TUBA1C: variants seen among roughly 807,000 people sequenced by gnomAD.
TUBA1C encodes the protein tubulin alpha 1c.
TUBA1C carries 16 observed loss-of-function variants against 34.9 expected under a neutral mutation model. That is an observed-to-expected ratio of 0.46 (90% CI 0.31 to 0.70). The LOEUF (loss-of-function observed/expected upper bound fraction) is 0.70. Among genes scored for constraint, TUBA1C ranks in the 30% least tolerant of loss-of-function variants. The pLI is 0.05. For synonymous variants in TUBA1C, 177 were observed against 215.9 expected (o/e 0.82, Z 1.58); for missense variants, 329 against 587.3 (o/e 0.56, Z 4.55).
chr12:49,264,071 T>G (rs1393638221), upstream of TUBA1C, among the ~76,000 whole-genome samples: 1 of 151,908 alleles, frequency 6.6e-6, no homozygotes, highest in Non-Finnish European at 1.5e-5. Context: ...ATACAAAAAT[T>G]TAGCCAGGTG....
At chr12:49,270,829 A>T (rs1942981225) in intron 3 of TUBA1C, among the ~76,000 whole-genome samples, 1 of 152,146 alleles carries the variant, frequency 6.6e-6, no homozygotes, top group African/African-American at 2.4e-5. Context: ...ATACAAAAAA[A>T]TTAGCCGGGC....
chr12:49,254,957 AT>A (rs1942768685), intron 1 of TUBA1C, among the ~76,000 whole-genome samples: 1 of 150,814 alleles, frequency 6.6e-6, no homozygotes, highest in East Asian at 1.9e-4. Context: ...TTTTTTTTTT[AT>A]TTTTTAAGTA....
intron 1 of TUBA1C, among the ~76,000 whole-genome samples, chr12:49,248,004 C>T (rs1193981412): frequency 1.4e-5 from 2 of 143,642 alleles, no homozygotes; most frequent in Non-Finnish European, 3.0e-5. Context: ...GAGCCAGGTG[C>T]GGTGGCTCAC....
chr12:49,257,337 G>GTCTA (rs1335905767), intron 1 of TUBA1C, among the ~76,000 whole-genome samples: 1 of 151,998 alleles, frequency 6.6e-6, no homozygotes, highest in East Asian at 1.9e-4. Flanking sequence ...TAACAATAGT[G>GTCTA]TCTACCTCAT....
chr12:49,240,962 C>T (rs1399053871), intron 1 of TUBA1C, among the ~76,000 whole-genome samples: 2 of 151,966 alleles, frequency 1.3e-5, no homozygotes, highest in South Asian at 2.1e-4. Flanking sequence ...AGGGCAGTGG[C>T]GAGATCTCAG....
intron 1 of TUBA1C, among the ~76,000 whole-genome samples, chr12:49,258,917 T>C (rs542776992): frequency 6.6e-6 from 1 of 151,582 alleles, no homozygotes; most frequent in South Asian, 2.1e-4. Context: ...CCACCACGCC[T>C]GGCTAACTTT....
chr12:49,273,295 T>A lies in TUBA1C; in HGVS notation c.*68T>A. 1 of 1,612,224 alleles carries A rather than the reference T, an allele frequency of 6.2e-7. No homozygotes were observed. Among genetic ancestry groups the A allele is most frequent in the Non-Finnish European group, 8.5e-7 (1 of 1,178,588 alleles). On this transcript the variant is annotated 3_prime_UTR_variant, in exon 4 of 4. Transcript: ENST00000301072. ...TTATTTTTGTTCTGTAAATGTCTAT[T>A]GCCGTAAATTGTTAATAAAATTGAA... is the stretch of plus-strand genomic sequence containing the variant.
chr12:49,261,594 T>C (rs1942841139), upstream of TUBA1C, among the ~76,000 whole-genome samples: 1 of 152,228 alleles, frequency 6.6e-6, no homozygotes, highest in East Asian at 1.9e-4. Context: ...ACTATTGCAG[T>C]AGAAAACATT....
chr12:49,265,499 A>G, intron 1 of TUBA1C, among the ~76,000 whole-genome samples: 1 of 152,216 alleles, frequency 6.6e-6, no homozygotes, highest in African/African-American at 2.4e-5. Context: ...ATTGGCCTCC[A>G]AGAACTTAAA....
At position 49,273,438 on chromosome 12, in the gene TUBA1C, T is replaced by C; in HGVS notation, c.*211T>C. ...TCTTGCTCTGTCACCCAGGCTGGAGTGCAGTGGCATGATAATACATAGCTC... is the reference window on the plus strand; with the variant it reads ...TCTTGCTCTGTCACCCAGGCTGGAGCGCAGTGGCATGATAATACATAGCTC... On this transcript the variant is annotated 3_prime_UTR_variant, in exon 4 of 4. Coordinates refer to ENST00000301072, the MANE Select transcript of TUBA1C (RefSeq NM_032704.5). The C allele has an allele frequency of 1.3e-6, 1 of 794,782 alleles. No individual in the cohort carries two copies. The highest frequency in any genetic ancestry group is 2.0e-6 in the Non-Finnish European group (1 of 505,104). 49.2% of individuals were successfully genotyped at this position (794,782 alleles called of 1,614,324 possible).
chr12:49,260,217 G>A (rs1244261616), upstream of TUBA1C, among the ~76,000 whole-genome samples: 2 of 152,168 alleles, frequency 1.3e-5, no homozygotes. Flanking sequence ...CAAGGGAATG[G>A]TAGTTAATTC....
intron 1 of TUBA1C, among the ~76,000 whole-genome samples, chr12:49,250,604 A>T (rs1266049247): frequency 1.3e-5 from 2 of 151,842 alleles, no homozygotes; most frequent in Non-Finnish European, 2.9e-5. Context: ...GCCCTACAAA[A>T]ATTAAAATTA....
upstream of TUBA1C, chr12:49,264,961 G>C (rs972489062): frequency 1.3e-5 from 7 of 534,890 alleles, no homozygotes; most frequent in African/African-American, 9.9e-5. Flanking sequence ...GGGTGCGGCC[G>C]GGCGCAGGCC....
In TUBA1C at chr12:49,269,507, A is replaced by G. The variant is rs1942959612; in HGVS notation, c.46A>G (p.Ile16Val). Residue 16 changes from isoleucine (I) to valine (V), a missense_variant, in exon 2 of 4, where the codon ATT becomes GTT. Ile to Val is a conservative substitution (Grantham distance 29). Coordinates refer to ENST00000301072, the MANE Select transcript of TUBA1C (RefSeq NM_032704.5). ...SIHVGQAGVQ[I>V]GNACWELYCL... ...CCACGTTGGCCAGGCTGGTGTCCAG[A>G]TTGGCAATGCCTGCTGGGAGCTCTA... is the stretch of plus-strand genomic sequence containing the variant. 3.7e-6 allele frequency: 6 copies of G among 1,614,014 alleles called. No homozygotes were observed. In the Admixed American group the frequency reaches 5.0e-5, roughly 13 times the overall value.
rs1305534283 is a variant in TUBA1C at position 49,256,432 on chromosome 12, AT to A, written c.214-13032del. On this transcript the variant is annotated intron_variant, in intron 1 of 3. Coordinates refer to the TUBA1C transcript ENST00000541364. ...CAGCTCTGTCCCTTGGGTTCCGTAC[AT>A]ATAAATGGAGCAGCTGAGGGAACTG... 4 of 455,774 alleles carry A rather than the reference AT, an allele frequency of 8.8e-6. No individual in the cohort carries two copies. The Admixed American group carries it at 9.4e-5, about 11-fold the overall frequency. The allele number at this position is 455,774 out of a possible 1,614,324, so 28.2% of individuals were successfully genotyped here.
At chr12:49,244,160 A>G (rs1281293649) in intron 1 of TUBA1C, among the ~76,000 whole-genome samples, 5 of 151,920 alleles carry the variant, frequency 3.3e-5, no homozygotes, top group Admixed American at 1.3e-4. Flanking sequence ...AAAAAAAAAA[A>G]AAAAAGAAAA....
chr12:49,248,500 G>A (rs1212267841), intron 1 of TUBA1C, among the ~76,000 whole-genome samples: 2 of 151,354 alleles, frequency 1.3e-5, no homozygotes, highest in Non-Finnish European at 2.9e-5. Context: ...CCTGGGAGGC[G>A]GAGATTACAG....
intron 3 of TUBA1C, among the ~76,000 whole-genome samples, chr12:49,271,069 A>G (rs1476341726): frequency 6.6e-6 from 1 of 152,196 alleles, no homozygotes; most frequent in Non-Finnish European, 1.5e-5. Context: ...AAATAAACCT[A>G]GTAGCTATTT....
rs1375403551 is a variant in TUBA1C, at chr12:49,272,485, T to C, written c.608T>C (p.Met203Thr). Residue 203 changes from methionine to threonine, a missense_variant, in exon 4 of 4, where the codon ATG becomes ACG. This residue lies in a region of TUBA1C where 3 missense variants were observed against 25.5 expected (regional missense o/e 0.12). Transcript: ENST00000301072. ...TTLEHSDCAF[M>T]VDNEAIYDIC... ...CTGGAGCACTCTGATTGTGCCTTCA[T>C]GGTAGACAATGAGGCCATCTATGAC... The C allele has an allele frequency of 8.1e-6, 13 of 1,610,664 alleles. No homozygotes were observed. The highest frequency in any genetic ancestry group is 1.0e-5 in the Non-Finnish European group (12 of 1,178,722).
Sources: allele counts gnomAD v4.1 joint callset (sites outside exome capture counted in the v4.1 genomes callset), GRCh38; gene constraint gnomAD v4.1.1; regional missense constraint gnomAD v4.1.1; transcripts MANE v1.5; gene names NCBI Gene and HGNC (gene_info 2026-07-23, HGNC 2026-07-21).